Variants in SGMS2 observed in about 807,000 individuals in gnomAD.
SGMS2 encodes the protein sphingomyelin synthase 2.
A neutral mutation model predicts 43.8 loss-of-function variants in SGMS2; 21 were observed. That is an observed-to-expected ratio of 0.48 (90% CI 0.34 to 0.69). The LOEUF is 0.69. SGMS2 is among the 30% of genes least tolerant of loss of function. The probability of loss-of-function intolerance (pLI) is 0.01; values close to 1 mark genes in which losing one functional copy is unlikely to be tolerated. For synonymous variants in SGMS2, 167 were observed against 160.6 expected (o/e 1.04, Z -0.30); for missense variants, 384 against 443.2 (o/e 0.87, Z 1.20).
At chr4:107,872,759 G>A (rs1367535593) in intron 2 of SGMS2, among the ~76,000 whole-genome samples, 3 of 152,088 alleles carry the variant, frequency 2.0e-5, no homozygotes, top group Non-Finnish European at 4.4e-5. Context: ...TGCAAAAAAA[G>A]ATAAAAAGTG....
chr4:107,852,240 T>A (rs938515556), intron 1 of SGMS2, among the ~76,000 whole-genome samples: 1 of 145,288 alleles, frequency 6.9e-6, no homozygotes, highest in Non-Finnish European at 1.5e-5. Flanking sequence ...ACCCAGCTAA[T>A]TTTTTTTTTT....
chr4:107,853,548 A>G (rs1727268565), intron 1 of SGMS2, among the ~76,000 whole-genome samples: 1 of 152,146 alleles, frequency 6.6e-6, no homozygotes, highest in Non-Finnish European at 1.5e-5. Context: ...ATTAAATGAT[A>G]TTAGTGGGGC....
At chr4:107,888,503 C>T (rs1055335438) in intron 2 of SGMS2, among the ~76,000 whole-genome samples, 1 of 152,048 alleles carries the variant, frequency 6.6e-6, no homozygotes, top group Admixed American at 6.6e-5. Flanking sequence ...CTTTCTTAAA[C>T]AACCAGTCAT....
At chr4:107,873,457 A>G (rs1370896648) in intron 2 of SGMS2, 1 of 152,124 alleles carries the variant, frequency 6.6e-6, no homozygotes, top group Non-Finnish European at 1.5e-5. Flanking sequence ...TCATATACAT[A>G]CGAGGGATAT....
At chr4:107,840,771 A>G (rs1726454198) in intron 1 of SGMS2, among the ~76,000 whole-genome samples, 1 of 152,222 alleles carries the variant, frequency 6.6e-6, no homozygotes, top group African/African-American at 2.4e-5. Flanking sequence ...CTCTAGGGCC[A>G]ATGGGATCTT....
chr4:107,876,981 T>C (rs1017947661), intron 2 of SGMS2, among the ~76,000 whole-genome samples: 5 of 152,164 alleles, frequency 3.3e-5, no homozygotes, highest in African/African-American at 4.8e-5. Flanking sequence ...AACTCCAATA[T>C]AAGTCTTAAA....
chr4:107,884,945 G>A (rs1729631705), intron 2 of SGMS2, among the ~76,000 whole-genome samples: 1 of 151,986 alleles, frequency 6.6e-6, no homozygotes, highest in East Asian at 1.9e-4. Flanking sequence ...GGTTTTCAGG[G>A]TTCACACTAT....
At chr4:107,844,755 G>T (rs914760090) in intron 1 of SGMS2, among the ~76,000 whole-genome samples, 1 of 152,086 alleles carries the variant, frequency 6.6e-6, no homozygotes, top group African/African-American at 2.4e-5. Flanking sequence ...ATTCTAAAAT[G>T]AACCAATTTT....
chr4:107,903,292 A>G lies in SGMS2; in HGVS notation c.633A>G (p.Gly211=). The G allele has an allele frequency of 6.2e-7, 1 of 1,613,986 alleles. No individual in the cohort carries two copies. Among genetic ancestry groups the G allele is most frequent in the Non-Finnish European group, 8.5e-7 (1 of 1,179,932 alleles). The change falls in exon 5 of 7, where the codon GGA becomes GGG. Residue 211 remains glycine, a synonymous_variant. Coordinates refer to ENST00000690982, the MANE Select transcript of SGMS2 (RefSeq NM_001375905.1). ...TTCTACGATTGATTTCTGGTGGTGG[A>G]TTGTCCATAACTGGATCACATATCT... ...QRILRLISGG[G]LSITGSHILC...
chr4:107,896,666 G>T (rs1730696850), intron 3 of SGMS2, among the ~76,000 whole-genome samples: 1 of 152,148 alleles, frequency 6.6e-6, no homozygotes, highest in Admixed American at 6.5e-5. Context: ...CCACAAAGGA[G>T]CTCATGGTTC....
intron 4 of SGMS2, 73 bp downstream of exon 4, chr4:107,899,765 T>C (rs1406079093): frequency 3.0e-6 from 3 of 994,822 alleles, no homozygotes; most frequent in Non-Finnish European, 4.6e-6. Context: ...GTATTATACA[T>C]TCTTCTAGAC....
intron 1 of SGMS2, among the ~76,000 whole-genome samples, chr4:107,846,065 G>C (rs1281943173): frequency 1.3e-5 from 2 of 152,054 alleles, no homozygotes; most frequent in African/African-American, 4.8e-5. Flanking sequence ...TGAGCAAATT[G>C]TCATTATTCT....
Position 107,913,529 on chromosome 4 carries a change from C to A in SGMS2, c.*2976C>A, listed in dbSNP as rs566609296. ...ACTTTATGACTTGGAATGCAAACAC[C>A]ACTTTTAAAAGCCTGTTTTCAAGTT... is the stretch of plus-strand genomic sequence containing the variant. On this transcript the variant is annotated 3_prime_UTR_variant, in exon 7 of 7. Coordinates refer to ENST00000690982, the MANE Select transcript of SGMS2 (RefSeq NM_001375905.1). 6.6e-6 allele frequency: 1 copy of A among 152,138 alleles called. No homozygotes were observed. The highest frequency in any genetic ancestry group is 1.5e-5 in the Non-Finnish European group (1 of 68,022). The allele number at this position is 152,138 out of a possible 1,614,324, so 9.4% of individuals were successfully genotyped here. A position where few individuals can be genotyped will look rare whatever the true frequency, so the allele number is the denominator to read the frequency against.
intron 1 of SGMS2, among the ~76,000 whole-genome samples, chr4:107,834,896 G>A (rs1316604766): frequency 6.6e-6 from 1 of 152,144 alleles, no homozygotes; most frequent in African/African-American, 2.4e-5. Flanking sequence ...TTAGCCAGGT[G>A]TAGTGGCACA....
chr4:107,832,259 T>C (rs1181732784), intron 1 of SGMS2, among the ~76,000 whole-genome samples: 3 of 152,244 alleles, frequency 2.0e-5, no homozygotes, highest in African/African-American at 7.2e-5. Context: ...ATATATAAAA[T>C]ATATGCCATA....
At chr4:107,852,079 T>G (rs1438508752) in intron 1 of SGMS2, among the ~76,000 whole-genome samples, 3 of 151,988 alleles carry the variant, frequency 2.0e-5, no homozygotes, top group African/African-American at 7.2e-5. Flanking sequence ...TAATTTTTTT[T>G]TTTTTTTGAG....
chr4:107,831,062 A>C (rs559229760), intron 1 of SGMS2, among the ~76,000 whole-genome samples: 6 of 152,336 alleles, frequency 3.9e-5, no homozygotes, highest in African/African-American at 9.6e-5. Context: ...CAATTTGGAA[A>C]GTGTTTAAAG....
chr4:107,850,524 AC>A (rs1727078668), intron 1 of SGMS2, among the ~76,000 whole-genome samples: 3 of 152,148 alleles, frequency 2.0e-5, no homozygotes, highest in African/African-American at 4.8e-5. Flanking sequence ...TGTGTGGTAA[AC>A]CCCATCCTTC....
Position 107,895,836 on chromosome 4 carries a change from G to T in SGMS2, c.283G>T (p.Val95Phe). ...AGTTTTCAACCTCGTCTTGACAACC[G>T]TCATGATCACAGTTGTACATGAGAG... ...YAVFNLVLTT[V>F]MITVVHERVP... Residue 95 changes from valine (V) to phenylalanine (F), a missense_variant, in exon 3 of 7, where the codon GTC becomes TTC. Coordinates refer to ENST00000690982, the MANE Select transcript of SGMS2 (RefSeq NM_001375905.1). 2 of 1,613,896 alleles carry T rather than the reference G, an allele frequency of 1.2e-6. No individual in the cohort carries two copies. Among genetic ancestry groups the T allele is most frequent in the Non-Finnish European group, 1.7e-6 (2 of 1,179,938 alleles).
Sources: allele counts gnomAD v4.1 joint callset (sites outside exome capture counted in the v4.1 genomes callset), GRCh38; gene constraint gnomAD v4.1.1; transcripts MANE v1.5; gene names NCBI Gene and HGNC (gene_info 2026-07-23, HGNC 2026-07-21).